The following GLB1L3 variants were observed in gnomAD, a reference collection of about 807,000 sequenced individuals.
The protein encoded by GLB1L3 is beta-galactosidase-1-like protein 3.
Under a neutral mutation model 89.5 loss-of-function variants are expected in GLB1L3, and 89 were observed. The ratio of observed to expected loss-of-function variants is 0.99; its 90% confidence interval spans 0.84 to 1.19. GLB1L3 has a LOEUF of 1.19. Ranked by LOEUF, GLB1L3 falls within the 50% of genes most tolerant of loss-of-function variation. The probability of loss-of-function intolerance (pLI) is 0.00; values close to 1 mark genes in which losing one functional copy is unlikely to be tolerated. For missense variants in GLB1L3, 812 were observed against 813.3 expected (o/e 1.00, Z 0.02); for synonymous variants, 314 against 312.3 (o/e 1.01, Z -0.06).
intron 9 of GLB1L3, chr11:134,305,188 C>A: frequency 8.8e-7 from 1 of 1,136,636 alleles, no homozygotes; most frequent in Non-Finnish European, 1.3e-6. Flanking sequence ...TAGTTCTTAT[C>A]TGTGATTCTT....
At chr11:134,296,019 C>A (rs973904724) in intron 9 of GLB1L3, among the ~76,000 whole-genome samples, 1 of 152,110 alleles carries the variant, frequency 6.6e-6, no homozygotes, top group African/African-American at 2.4e-5. Context: ...AGGTTTGTTT[C>A]ATGGATCATA....
intron 14 of GLB1L3, 60 bp from the exon 15 acceptor site, chr11:134,312,756 C>G (rs1054400380): frequency 6.5e-6 from 9 of 1,394,404 alleles, no homozygotes; most frequent in South Asian, 1.2e-5. Flanking sequence ...GAAACCGCGG[C>G]CTCTCTTCTC....
At chr11:134,280,201 A>G (rs148347081) in intron 3 of GLB1L3, among the ~76,000 whole-genome samples, 1 of 152,066 alleles carries the variant, frequency 6.6e-6, no homozygotes, top group Non-Finnish European at 1.5e-5. Flanking sequence ...AAATTTTACT[A>G]TTTAACTGTG....
intron 11 of GLB1L3, chr11:134,310,095 C>T: frequency 2.4e-6 from 1 of 408,534 alleles, no homozygotes; most frequent in Non-Finnish European, 4.4e-6. Context: ...ACAGACTGAG[C>T]AAAGAAAAGA....
At chr11:134,305,313 A>G (rs1251082895) in intron 9 of GLB1L3, 3 of 538,524 alleles carry the variant, frequency 5.6e-6, no homozygotes, top group African/African-American at 3.8e-5. Context: ...ATTGCACTAT[A>G]GAGTATGCTT....
intron 8 of GLB1L3, chr11:134,292,908 C>A: frequency 1.7e-6 from 1 of 579,250 alleles, no homozygotes; most frequent in Admixed American, 3.1e-5. Flanking sequence ...GCCTGGCTCA[C>A]TTCTCTGCAC....
rs766089972 is a variant in GLB1L3 at position 134,312,515 on chromosome 11, G to T, written c.1428+26G>T. 1.9e-6 allele frequency: 3 copies of T among 1,606,694 alleles called. No individual in the cohort carries two copies. In the South Asian group the frequency reaches 3.3e-5, roughly 18 times the overall value. ...GTAGGGCCAGCAGGCTGTCTGTGTG[G>T]GAAGCAAAGTGCATCACCTCCCCAT... is the stretch of plus-strand genomic sequence containing the variant. On this transcript the variant is annotated intron_variant, in intron 14 of 19. Transcript: ENST00000431683.
At chr11:134,281,515 A>G (rs1188139196) in intron 4 of GLB1L3, 70 bp downstream of exon 4, 14 of 1,469,502 alleles carry the variant, frequency 9.5e-6, no homozygotes, top group Non-Finnish European at 1.3e-5. Flanking sequence ...GGGGTGGATT[A>G]GCAACCAAAG....
intron 9 of GLB1L3, among the ~76,000 whole-genome samples, chr11:134,297,224 T>C (rs1024815595): frequency 6.6e-6 from 1 of 152,224 alleles, no homozygotes; most frequent in Non-Finnish European, 1.5e-5. Flanking sequence ...AATACCTGCA[T>C]GGCATATCTT....
chr11:134,316,298 G>C (rs1409857405), intron 18 of GLB1L3, among the ~76,000 whole-genome samples: 1 of 150,770 alleles, frequency 6.6e-6, no homozygotes, highest in Admixed American at 6.6e-5. Context: ...AATTCAGAAT[G>C]TACATAATTA....
At position 134,319,095 on chromosome 11, in the gene GLB1L3, C is replaced by T; in HGVS notation, c.*153C>T. The stretch of plus-strand genomic sequence containing the variant: ...TCAGCCTCCCCAGCAGCTGGGACTA[C>T]AGGTGCACGCCACCACGCCTGGCTA... On this transcript the variant is annotated 3_prime_UTR_variant, in exon 20 of 20. Transcript: ENST00000431683. The T allele has an allele frequency of 1.1e-5, 7 of 612,296 alleles. No individual in the cohort carries two copies. The highest frequency in any genetic ancestry group is 2.0e-5 in the Non-Finnish European group (7 of 346,414). 37.9% of individuals were successfully genotyped at this position (612,296 alleles called of 1,614,324 possible).
In GLB1L3 at chr11:134,286,926, C is replaced by T. The variant is rs189869000; in HGVS notation, c.637-1872C>T. 7.5e-4 allele frequency among the ~76,000 whole-genome samples: 114 copies of T among 151,280 alleles called. 1 individual carries two copies. In the East Asian group the frequency reaches 0.013, roughly 17 times the overall value. ...CTGTAATTCCAGCACTTTGGGAGGC[C>T]GAGGTGGGTGGATCACGAGGTCAGG... On this transcript the variant is annotated intron_variant, in intron 6 of 19. Transcript: ENST00000431683.
In GLB1L3 at chr11:134,277,490, C is replaced by T. The variant is rs748715795; in HGVS notation, c.149+39C>T. 19 of 1,601,124 alleles carry T rather than the reference C, an allele frequency of 1.2e-5. No individual in the cohort carries two copies. The South Asian group carries it at 2.0e-4, about 17-fold the overall frequency. On this transcript the variant is annotated intron_variant, in intron 2 of 19. Coordinates refer to ENST00000431683, the MANE Select transcript of GLB1L3 (RefSeq NM_001080407.3). ...CTACATCCCTGGGGAGGGAGGGGAG[C>T]GATCTCTCCTTTCTTGGAGAAAATA...
chr11:134,297,635 C>G (rs918715500), intron 9 of GLB1L3, among the ~76,000 whole-genome samples: 1 of 151,814 alleles, frequency 6.6e-6, no homozygotes, highest in African/African-American at 2.4e-5. Context: ...CCGAGGTGGG[C>G]GGATCATTTG....
chr11:134,312,979 C>G, intron 15 of GLB1L3, 92 bp downstream of exon 15: 1 of 901,182 alleles, frequency 1.1e-6, no homozygotes, highest in South Asian at 1.4e-5. Flanking sequence ...CTTCTCCACC[C>G]CTGCTGCTGG....
At chr11:134,300,633 C>G (rs1423986150) in intron 9 of GLB1L3, among the ~76,000 whole-genome samples, 1 of 152,004 alleles carries the variant, frequency 6.6e-6, no homozygotes, top group Non-Finnish European at 1.5e-5. Context: ...CGCGCCCGGC[C>G]CCTATTGACC....
At chr11:134,276,858 C>T in intron 1 of GLB1L3, 95 bp downstream of exon 1, 3 of 1,129,184 alleles carry the variant, frequency 2.7e-6, no homozygotes, top group East Asian at 3.3e-5. Context: ...GGCCACGCGC[C>T]CCAGGCACGC....
At chr11:134,309,502 C>T (rs1942615217) in intron 10 of GLB1L3, 124 bp from the exon 11 acceptor site, 2 of 556,844 alleles carry the variant, frequency 3.6e-6, no homozygotes, top group Admixed American at 3.8e-5. Context: ...ATGTATATAG[C>T]CGTGAAGCGA....
rs756226842 is a variant in GLB1L3, at chr11:134,307,100, G to A, written c.877-24G>A. 1.0e-5 allele frequency: 16 copies of A among 1,588,940 alleles called. No homozygotes were observed. In the East Asian group the frequency reaches 2.7e-4, roughly 27 times the overall value. ...TCTTTTTTGTTTTTTGCCAGACTTA[G>A]TATTTGCTTTGGTTTGTTTTTAGAG... On this transcript the variant is annotated intron_variant, in intron 9 of 19. Transcript: ENST00000431683.
Sources: gnomAD v4.1 joint callset for allele counts (sites outside exome capture counted in the v4.1 genomes callset) on GRCh38, gnomAD v4.1.1 for gene constraint, MANE v1.5 for transcripts, NCBI Gene and HGNC (gene_info 2026-07-23, HGNC 2026-07-21) for gene names.